ATP2A3: variants seen among roughly 807,000 people sequenced by gnomAD.
ATP2A3 encodes sarcoplasmic/endoplasmic reticulum calcium ATPase 3.
A neutral mutation model predicts 106.8 loss-of-function variants in ATP2A3; 61 were observed. The observed-to-expected ratio is 0.57, with a 90% CI of 0.46 to 0.71. ATP2A3 has a LOEUF of 0.71. ATP2A3 is among the 30% of genes least tolerant of loss of function. ATP2A3 has a pLI of 0.00. For synonymous variants in ATP2A3, 611 were observed against 609.3 expected, an observed-to-expected ratio of 1.00 and a Z score of -0.04; for missense variants, 1,201 against 1,423.5, an observed-to-expected ratio of 0.84 and a Z score of 2.52.
At chr17:3,957,130 G>C (rs2054828402) in intron 1 of ATP2A3, among the ~76,000 whole-genome samples, 1 of 152,272 alleles carries the variant, frequency 6.6e-6, no homozygotes, top group South Asian at 2.1e-4. Context: ...CATAGCAGCA[G>C]CAGCTGGTGG....
chr17:3,961,602 C>T (rs905567006), intron 1 of ATP2A3, among the ~76,000 whole-genome samples: 1 of 152,202 alleles, frequency 6.6e-6, no homozygotes, highest in African/African-American at 2.4e-5. Context: ...CAAATGACTT[C>T]CTTGTGGTTT....
At position 3,955,427 on chromosome 17, in the gene ATP2A3, C is replaced by T. The variant is rs922435257; in HGVS notation, c.119-1717G>A. ...CTAAAAATACACTTTCTAGCATTTTCTCCAAAGTCCTATTTTCGGCAGTGG... is the reference window on the plus strand; with the variant it reads ...CTAAAAATACACTTTCTAGCATTTTTTCCAAAGTCCTATTTTCGGCAGTGG... On this transcript the variant is annotated intron_variant, in intron 1 of 20. Coordinates refer to ENST00000397041, the MANE Select transcript of ATP2A3 (RefSeq NM_005173.4). This position sits in a 1 kb window ranked among gnomAD's most constrained non-coding sequence, Gnocchi z 4.2. 2.0e-5 allele frequency among the ~76,000 whole-genome samples: 3 copies of T among 152,224 alleles called. No homozygotes were observed. Among genetic ancestry groups the T allele is most frequent in the African/African-American group, 7.2e-5 (3 of 41,454 alleles).
intron 9 of ATP2A3, 122 bp downstream of exon 9, chr17:3,944,938 G>T: frequency 3.1e-6 from 4 of 1,285,628 alleles, no homozygotes; most frequent in Non-Finnish European, 4.1e-6. Flanking sequence ...TCCTGGCCCC[G>T]CCCCGGGAGA....
At chr17:3,927,804 C>A (rs1488351156) in intron 20 of ATP2A3, 6 of 985,270 alleles carry the variant, frequency 6.1e-6, no homozygotes, top group African/African-American at 1.7e-5. Flanking sequence ...GACGCGTGAT[C>A]TATTTATAGT....
intron 1 of ATP2A3, among the ~76,000 whole-genome samples, chr17:3,956,508 GGCGA>G (rs2054790875): frequency 6.6e-6 from 1 of 152,196 alleles, no homozygotes; most frequent in South Asian, 2.1e-4. Flanking sequence ...ACATGCAGCT[GGCGA>G]GCCCCTGGAC....
intron 16 of ATP2A3, among the ~76,000 whole-genome samples, chr17:3,935,844 C>A (rs933600572): frequency 2.0e-5 from 3 of 151,988 alleles, no homozygotes; most frequent in African/African-American, 7.2e-5. Flanking sequence ...CCAGGCTGGT[C>A]AAACTCCAGA....
rs2053897724 is a variant in ATP2A3 at position 3,943,417 on chromosome 17, C to T, written c.1393G>A (p.Val465Met). The change falls in exon 11 of 21, where the codon GTG becomes ATG. Residue 465 changes from valine (V) to methionine (M), a missense_variant. Val to Met is a conservative substitution (Grantham distance 21, BLOSUM62 1). This residue lies in a region of ATP2A3 where 935 missense variants were observed against 1,176.7 expected (regional missense o/e 0.79). Transcript: ENST00000397041. ...GTGTTACAGGCGCCAGCTCGCTCCACCCGGGACAGAGCCTGCAGGTCGGTG... is the reference window on the plus strand; with the variant it reads ...GTGTTACAGGCGCCAGCTCGCTCCATCCGGGACAGAGCCTGCAGGTCGGTG... ...FDTDLQALSR[V>M]ERAGACNTVI... 1.9e-6 allele frequency: 3 copies of T among 1,614,004 alleles called. No homozygotes were observed. Among genetic ancestry groups the T allele is most frequent in the Non-Finnish European group, 2.5e-6 (3 of 1,180,018 alleles).
At position 3,941,652 on chromosome 17, in the gene ATP2A3, C is replaced by T. The variant is rs1300602572; in HGVS notation, c.1548G>A (p.Gly516=). Residue 516 remains glycine (G), a splice_region_variant and synonymous_variant, in exon 13 of 21, where the codon GGG becomes GGA. Coordinates refer to ENST00000397041, the MANE Select transcript of ATP2A3 (RefSeq NM_005173.4). The stretch of plus-strand genomic sequence containing the variant: ...AGCGCTCGATCACACTCTCAGGAGC[C>T]CCCTGCGAGGTGGGGAGAGGGAGAA... ...TGQGSKMFVK[G]APESVIERCS... is the part of the protein sequence containing the mutation. 3 of 1,606,474 alleles carry T rather than the reference C, an allele frequency of 1.9e-6. No individual in the cohort carries two copies. The highest frequency in any genetic ancestry group is 2.5e-6 in the Non-Finnish European group (3 of 1,179,956).
In ATP2A3 at chr17:3,953,713, G is replaced by A. The variant is rs760437861; in HGVS notation, c.119-3C>T. On this transcript the variant is annotated splice_region_variant and splice_polypyrimidine_tract_variant and intron_variant, in intron 1 of 20. Transcript: ENST00000397041. The surrounding 1 kb of genome is among the most constrained non-coding windows in gnomAD (Gnocchi z 5.1). ...CTCACCTTCCTCACTCGGGAGCTCT[G>A]CAGGATCCAGGCAGCCACGGGAGCC... 1 of 1,570,628 alleles carries A rather than the reference G, an allele frequency of 6.4e-7. No individual in the cohort carries two copies.
chr17:3,962,307 C>T (rs958919913), intron 1 of ATP2A3, among the ~76,000 whole-genome samples: 3 of 152,278 alleles, frequency 2.0e-5, no homozygotes, highest in East Asian at 1.9e-4. Context: ...TGGGTGCCTC[C>T]GTTTCCTGCT....
chr17:3,951,904 G>A (rs1435056515), intron 3 of ATP2A3, among the ~76,000 whole-genome samples: 1 of 152,050 alleles, frequency 6.6e-6, no homozygotes, highest in Non-Finnish European at 1.5e-5. Context: ...CAAGGCTGTG[G>A]GGCAGTTGGA....
rs931762508 is a variant in ATP2A3, at chr17:3,953,055, T to C, written c.219+292A>G. On this transcript the variant is annotated intron_variant, in intron 3 of 20. Coordinates refer to ENST00000397041, the MANE Select transcript of ATP2A3 (RefSeq NM_005173.4). This position sits in a 1 kb window ranked among gnomAD's most constrained non-coding sequence, Gnocchi z 5.1. Reference sequence around the variant, plus strand: ...CAGTAGTGCTGAGGCAGAGAAACCCTAGGGTACAGCAGGGCGGGGCGGGGG... The same window carrying C: ...CAGTAGTGCTGAGGCAGAGAAACCCCAGGGTACAGCAGGGCGGGGCGGGGG... Among the ~76,000 whole-genome samples, 21 of 151,970 alleles carry C rather than the reference T, an allele frequency of 1.4e-4. No homozygotes were observed. The highest frequency in any genetic ancestry group is 7.3e-5 in the African/African-American group (3 of 41,374).
rs962876956 is a variant in ATP2A3, at chr17:3,926,575, G to C, written c.2981-1134C>G. ...GGTGTTAGTCTCACCCTCTCTTTTT[G>C]GGGGAGAGTGGGGGAACAGAGTTTT... On this transcript the variant is annotated intron_variant, in intron 20 of 20. Transcript: ENST00000397041. The surrounding 1 kb of genome is among the most constrained non-coding windows in gnomAD (Gnocchi z 4.6). 1.3e-5 allele frequency among the ~76,000 whole-genome samples: 2 copies of C among 151,968 alleles called. No homozygotes were observed. Among genetic ancestry groups the C allele is most frequent in the African/African-American group, 2.4e-5 (1 of 41,360 alleles).
chr17:3,950,660 C>T, intron 6 of ATP2A3, 33 bp downstream of exon 6: 1 of 1,613,768 alleles, frequency 6.2e-7, no homozygotes, highest in Admixed American at 1.7e-5. Context: ...AGTCCTGGCC[C>T]ACTAGGTCCC....
At chr17:3,941,707 C>A in intron 12 of ATP2A3, 53 bp from the exon 13 acceptor site, 1 of 1,569,324 alleles carries the variant, frequency 6.4e-7, no homozygotes, top group Non-Finnish European at 8.6e-7. Flanking sequence ...AACCCCTCCT[C>A]TCCTTCCTGC....
rs1016932322 is a variant in ATP2A3 at position 3,953,037 on chromosome 17, G to A, written c.219+310C>T. Reference sequence around the variant, plus strand: ...TGATCTGGTCTAAACTATCAGTAGTGCTGAGGCAGAGAAACCCTAGGGTAC... The same window carrying A: ...TGATCTGGTCTAAACTATCAGTAGTACTGAGGCAGAGAAACCCTAGGGTAC... On this transcript the variant is annotated intron_variant, in intron 3 of 20. Transcript: ENST00000397041. The surrounding 1 kb of genome is among the most constrained non-coding windows in gnomAD (Gnocchi z 5.1). Among the ~76,000 whole-genome samples, 4 of 152,188 alleles carry A rather than the reference G, an allele frequency of 2.6e-5. No homozygotes were observed. Among genetic ancestry groups the A allele is most frequent in the Admixed American group, 6.5e-5 (1 of 15,282 alleles).
At chr17:3,962,344 T>C (rs1481405238) in intron 1 of ATP2A3, among the ~76,000 whole-genome samples, 1 of 152,224 alleles carries the variant, frequency 6.6e-6, no homozygotes, top group African/African-American at 2.4e-5. Flanking sequence ...ACAACAGTCC[T>C]TCCCTTATGG....
rs749107117 is a variant in ATP2A3 at position 3,936,274 on chromosome 17, A to G, written c.2517T>C (p.Ala839=). ...GGCTCAGGCCCCACTCACCTCCGAT[A>G]GCCAGGTATCGGAAGAAGAGCCAGC... ...ISGWLFFRYL[A]IGVYVGLATV... is the part of the protein sequence containing the mutation. The change falls in exon 16 of 21, where the codon GCT becomes GCC. Residue 839 remains alanine (A), a synonymous_variant. Coordinates refer to ENST00000397041, the MANE Select transcript of ATP2A3 (RefSeq NM_005173.4). This position sits in a 1 kb window ranked among gnomAD's most constrained non-coding sequence, Gnocchi z 5.4. 4 of 1,613,802 alleles carry G rather than the reference A, an allele frequency of 2.5e-6. No homozygotes were observed. In the Admixed American group the frequency reaches 6.7e-5, roughly 27 times the overall value.
Position 3,947,915 on chromosome 17 carries a change from C to G in ATP2A3, c.631-60G>C. 1 of 1,534,596 alleles carries G rather than the reference C, an allele frequency of 6.5e-7. No homozygotes were observed. The highest frequency in any genetic ancestry group is 8.9e-7 in the Non-Finnish European group (1 of 1,125,480). On this transcript the variant is annotated intron_variant, in intron 7 of 20. Transcript: ENST00000397041. The surrounding 1 kb of genome is among the most constrained non-coding windows in gnomAD (Gnocchi z 7.7). ...GCAGCCAACCAGGGGCCCAGGACCC[C>G]TGACTCCTTCAGGCCGGAATAAGGC...
Sources: allele counts gnomAD v4.1 joint callset (sites outside exome capture counted in the v4.1 genomes callset), GRCh38; gene constraint gnomAD v4.1.1; regional missense constraint gnomAD v4.1.1; non-coding constraint Gnocchi (gnomAD v3.1); transcripts MANE v1.5; gene names NCBI Gene and HGNC (gene_info 2026-07-23, HGNC 2026-07-21).